GNB1: variants seen among roughly 807,000 people sequenced by gnomAD.
GNB1 encodes G protein subunit beta 1.
GNB1 carries 2 observed loss-of-function variants against 42.9 expected under a neutral mutation model. The observed-to-expected ratio is 0.05, with a 90% CI of 0.02 to 0.15. The LOEUF is 0.15. Ranked by LOEUF, GNB1 falls within the 10% of genes least tolerant of loss-of-function variation. The pLI is 1.00. For missense variants in GNB1, 193 were observed against 462.2 expected, an observed-to-expected ratio of 0.42 and a Z score of 5.34; for synonymous variants, 183 against 174.7, an observed-to-expected ratio of 1.05 and a Z score of -0.38.
intron 2 of GNB1, among the ~76,000 whole-genome samples, chr1:1,838,522 G>A (rs974391329): frequency 6.7e-6 from 1 of 149,494 alleles, no homozygotes; most frequent in African/African-American, 2.5e-5. Context: ...TTGGCTCACT[G>A]CAAGCTCCGC....
chr1:1,876,555 GCA>G lies in GNB1; in HGVS notation c.-96+14263_-96+14264del, dbSNP rs559605974. On this transcript the variant is annotated intron_variant, in intron 1 of 11. Coordinates refer to ENST00000378609, the MANE Select transcript of GNB1 (RefSeq NM_002074.5). Reference sequence around the variant, plus strand: ...CACGTGCACGAGCCAGTGAGCAAGCGCACACACATGCAAAAATGGGGTCTCAC... The same window carrying G: ...CACGTGCACGAGCCAGTGAGCAAGCGCACACATGCAAAAATGGGGTCTCAC... Among the ~76,000 whole-genome samples, 18 of 152,160 alleles carry G rather than the reference GCA, an allele frequency of 1.2e-4. No homozygotes were observed. The East Asian group carries it at 3.5e-3, about 29-fold the overall frequency.
chr1:1,818,800 T>G (rs1030225165), intron 3 of GNB1, among the ~76,000 whole-genome samples: 3 of 151,900 alleles, frequency 2.0e-5, no homozygotes, highest in Middle Eastern at 3.4e-3. Context: ...GAGGCGGAGG[T>G]TGCAGGGAGC....
intron 7 of GNB1, among the ~76,000 whole-genome samples, chr1:1,799,120 C>T (rs1402955996): frequency 6.6e-6 from 1 of 152,140 alleles, no homozygotes; most frequent in Non-Finnish European, 1.5e-5. Context: ...TGGGGTTTCA[C>T]CGTGTTAGCC....
At chr1:1,816,023 C>G (rs1013219428) in intron 4 of GNB1, among the ~76,000 whole-genome samples, 161 bp from the exon 5 acceptor site, 2 of 152,196 alleles carry the variant, frequency 1.3e-5, no homozygotes, top group Admixed American at 1.3e-4. Flanking sequence ...TGCACTGAAC[C>G]CCTTCCGTAC....
At chr1:1,817,660 A>G (rs754720186) in intron 4 of GNB1, 177 bp downstream of exon 4, 5 of 531,252 alleles carry the variant, frequency 9.4e-6, no homozygotes, top group Non-Finnish European at 1.4e-5. Flanking sequence ...TTTTATCTCA[A>G]TAAGCCCCTC....
At chr1:1,816,639 ATTATC>A (rs1646860488) in intron 4 of GNB1, among the ~76,000 whole-genome samples, 2 of 131,962 alleles carry the variant, frequency 1.5e-5, no homozygotes, top group Admixed American at 8.3e-5. Flanking sequence ...CTTTATTTTT[ATTATC>A]TTTTTTTTTT....
chr1:1,792,102 C>A (rs1002216976), intron 8 of GNB1, among the ~76,000 whole-genome samples: 1 of 152,064 alleles, frequency 6.6e-6, no homozygotes, highest in Non-Finnish European at 1.5e-5. Context: ...AAATGACTCT[C>A]ATAAAATAAC....
intron 1 of GNB1, among the ~76,000 whole-genome samples, chr1:1,860,137 T>C (rs1450220296): frequency 1.3e-5 from 2 of 152,170 alleles, no homozygotes; most frequent in African/African-American, 4.8e-5. Flanking sequence ...GCAACATGGA[T>C]GCAGCTGGAA....
At chr1:1,869,520 C>T (rs1649132126) in intron 1 of GNB1, among the ~76,000 whole-genome samples, 1 of 152,170 alleles carries the variant, frequency 6.6e-6, no homozygotes, top group Non-Finnish European at 1.5e-5. Context: ...TGGAGCTTTT[C>T]CTACTGTCCC....
rs376401928 is a variant in GNB1, at chr1:1,846,365, G to A, written c.-95-7127C>T. On this transcript the variant is annotated intron_variant, in intron 1 of 11. Transcript: ENST00000378609. ...GCGGATCACCTAAGCTCAGGAGTTC[G>A]AAACCAGCCAGGCCAACGTGGTGAA... is the stretch of plus-strand genomic sequence containing the variant. Among the ~76,000 whole-genome samples, 7 of 152,076 alleles carry A rather than the reference G, an allele frequency of 4.6e-5. No homozygotes were observed. In the South Asian group the frequency reaches 6.2e-4, roughly 14 times the overall value.
At chr1:1,825,133 T>TA (rs1384377297) in intron 3 of GNB1, 3 of 361,526 alleles carry the variant, frequency 8.3e-6, no homozygotes, top group Admixed American at 9.0e-5. Flanking sequence ...AAGGTTATGA[T>TA]AAAGAATGCA....
At chr1:1,830,485 G>A (rs867464957) in intron 2 of GNB1, among the ~76,000 whole-genome samples, 2 of 151,076 alleles carry the variant, frequency 1.3e-5, no homozygotes, top group African/African-American at 2.4e-5. Flanking sequence ...TCCTGACCTC[G>A]TGATCCGCCC....
chr1:1,867,675 C>T (rs1214197281), intron 1 of GNB1, among the ~76,000 whole-genome samples: 1 of 152,176 alleles, frequency 6.6e-6, no homozygotes, highest in Non-Finnish European at 1.5e-5. Flanking sequence ...ATATTCCTAA[C>T]ATTTTTCTAA....
At chr1:1,856,703 G>A (rs770084554) in intron 1 of GNB1, among the ~76,000 whole-genome samples, 1 of 152,226 alleles carries the variant, frequency 6.6e-6, no homozygotes, top group African/African-American at 2.4e-5. Context: ...TGGGATTACA[G>A]GCATGAGCCA....
chr1:1,808,082 G>A (rs537987727), intron 5 of GNB1, among the ~76,000 whole-genome samples: 8 of 151,936 alleles, frequency 5.3e-5, no homozygotes, highest in South Asian at 4.2e-4. Context: ...TCGGCTCACC[G>A]CAACCTCCAC....
chr1:1,835,191 A>G (rs1157176456), intron 2 of GNB1, among the ~76,000 whole-genome samples: 1 of 152,212 alleles, frequency 6.6e-6, no homozygotes, highest in African/African-American at 2.4e-5. Context: ...TTGCAGGTCC[A>G]GCCCACTTAA....
chr1:1,889,991 G>C (rs765592435), intron 1 of GNB1, among the ~76,000 whole-genome samples: 3 of 149,962 alleles, frequency 2.0e-5, no homozygotes, highest in African/African-American at 7.4e-5. Flanking sequence ...ATCGCAAACC[G>C]GGCCCCGAAA....
chr1:1,804,723 A>T, intron 6 of GNB1, 142 bp from the exon 7 acceptor site: 2 of 624,730 alleles, frequency 3.2e-6, no homozygotes, highest in Non-Finnish European at 5.6e-6. Context: ...AGCGATTCCC[A>T]TATGTGGCCA....
chr1:1,837,312 T>C (rs1647165522), intron 2 of GNB1, among the ~76,000 whole-genome samples: 1 of 150,820 alleles, frequency 6.6e-6, no homozygotes, highest in African/African-American at 2.4e-5. Flanking sequence ...TGGAGTGCAG[T>C]AGCGTGATCT....
Sources: gnomAD v4.1 joint callset for allele counts (sites outside exome capture counted in the v4.1 genomes callset) on GRCh38, gnomAD v4.1.1 for gene constraint, MANE v1.5 for transcripts, NCBI Gene and HGNC (gene_info 2026-07-23, HGNC 2026-07-21) for gene names.